The following LAMC2 variants were observed in gnomAD, a reference collection of about 807,000 sequenced individuals.
LAMC2 encodes the protein laminin subunit gamma-2.
LAMC2 carries 97 observed loss-of-function variants against 140.2 expected under a neutral mutation model. The ratio of observed to expected loss-of-function variants is 0.69; its 90% CI spans 0.59 to 0.82. The LOEUF (loss-of-function observed/expected upper bound fraction) is 0.82. LAMC2 is among the 40% of genes least tolerant of loss of function. The pLI, the probability that LAMC2 is intolerant of heterozygous loss-of-function variation, is 0.00. For synonymous variants in LAMC2, 513 were observed against 540.2 expected, an observed-to-expected ratio of 0.95 and a Z score of 0.70; for missense variants, 1,402 against 1,476.1, an observed-to-expected ratio of 0.95 and a Z score of 0.82.
chr1:183,207,517 G>T (rs999086113), intron 1 of LAMC2, among the ~76,000 whole-genome samples: 9 of 152,314 alleles, frequency 5.9e-5, no homozygotes, highest in African/African-American at 1.9e-4. Flanking sequence ...TGCTCTGTGG[G>T]ATTGCAGTGT....
At chr1:183,199,097 CTTTTTTTTTTTT>C (rs906113983) in intron 1 of LAMC2, among the ~76,000 whole-genome samples, 5 of 67,628 alleles carry the variant, frequency 7.4e-5, no homozygotes, top group East Asian at 5.7e-4. Context: ...GTTGGCTTTT[CTTTTTTTTTTTT>C]TTTTTTTTTT....
the LAMC2 span, among the ~76,000 whole-genome samples, chr1:183,254,351 C>A: frequency 6.6e-6 from 1 of 152,134 alleles, no homozygotes; most frequent in Non-Finnish European, 1.5e-5. Context: ...TGTTGCGCAT[C>A]TTTTTATGCA....
chr1:183,210,716 A>T (rs79947275), intron 2 of LAMC2, among the ~76,000 whole-genome samples: 6,854 of 152,332 alleles, frequency 0.045, 517 homozygotes, highest in African/African-American at 0.15. Flanking sequence ...CCAAAACATT[A>T]TCATAGATGA....
In LAMC2 at chr1:183,231,962, T is replaced by A. The variant is rs556221842; in HGVS notation, c.1858-225T>A. Among the ~76,000 whole-genome samples, 6 of 152,300 alleles carry A rather than the reference T, an allele frequency of 3.9e-5. 1 individual carries two copies. The South Asian group carries it at 1.2e-3, about 32-fold the overall frequency. ...CTATTCTTATTTTCATTATCCTAATTTTATAGATAAAGAAAGTGACTTGCC... is the reference window on the plus strand; with the variant it reads ...CTATTCTTATTTTCATTATCCTAATATTATAGATAAAGAAAGTGACTTGCC... On this transcript the variant is annotated intron_variant, in intron 12 of 22. Transcript: ENST00000264144.
At chr1:183,198,649 G>C (rs889395412) in intron 1 of LAMC2, among the ~76,000 whole-genome samples, 1 of 152,182 alleles carries the variant, frequency 6.6e-6, no homozygotes, top group Admixed American at 6.5e-5. Context: ...TCCTGACACC[G>C]TCCCACACAG....
At chr1:183,245,584 A>ACAGGAAAGC (rs1660225370), downstream of LAMC2, among the ~76,000 whole-genome samples, 1 of 152,230 alleles carries the variant, frequency 6.6e-6, no homozygotes, top group Non-Finnish European at 1.5e-5. Context: ...GGAAGGATAC[A>ACAGGAAAGC]CAGGAAAGCC....
chr1:183,195,336 G>T (rs1294246279), intron 1 of LAMC2, among the ~76,000 whole-genome samples: 2 of 152,114 alleles, frequency 1.3e-5, no homozygotes, highest in Admixed American at 1.3e-4. Context: ...GGTGAAACAG[G>T]TGTCTCCTCT....
In LAMC2 at chr1:183,226,740, C is replaced by T. The variant is rs201674416; in HGVS notation, c.1109C>T (p.Pro370Leu). The change falls in exon 9 of 23, where the codon CCT becomes CTT. Residue 370 changes from proline (P) to leucine (L), a missense_variant. Physicochemically the swap from Pro to Leu is moderately conservative, Grantham distance 98 (BLOSUM62 -3). Transcript: ENST00000264144. ...AATGTGACCCTGATTTCAGCCCGCC[C>T]TGTCTCTGGAGCCCCAGCACCCTGG... ...IDNVTLISAR[P>L]VSGAPAPWVE... The T allele has an allele frequency of 7.6e-5, 123 of 1,614,234 alleles. No homozygotes were observed. The Middle Eastern group carries it at 1.3e-3, about 17-fold the overall frequency.
chr1:183,255,667 T>C, the LAMC2 span, among the ~76,000 whole-genome samples: 1 of 139,994 alleles, frequency 7.1e-6, no homozygotes, highest in African/African-American at 3.2e-5. Context: ...TAAGGGTTTT[T>C]TTTTTTTTTT....
At position 183,186,395 on chromosome 1, in the gene LAMC2, C is replaced by G. The variant is rs762557088; in HGVS notation, c.43C>G (p.Leu15Val). The G allele has an allele frequency of 3.1e-6, 5 of 1,605,936 alleles. No homozygotes were observed. Among genetic ancestry groups the G allele is most frequent in the Non-Finnish European group, 4.2e-6 (5 of 1,179,692 alleles). ...GGGCTGCTGCCTCTGCTTCTCGCTC[C>G]TCCTGCCCGCAGCCCGGGCCACCTC... ...WLGCCLCFSLLLPAARATSRR... is the reference protein window; with the variant it reads ...WLGCCLCFSLVLPAARATSRR... The change falls in exon 1 of 23, where the codon CTC becomes GTC. Residue 15 changes from leucine to valine, a missense_variant. By Grantham distance (32) the Leu-to-Val change is conservative. Coordinates refer to ENST00000264144, the MANE Select transcript of LAMC2 (RefSeq NM_005562.3).
intron 1 of LAMC2, among the ~76,000 whole-genome samples, chr1:183,193,868 C>T (rs1227274801): frequency 1.9e-5 from 2 of 107,266 alleles, no homozygotes; most frequent in African/African-American, 3.0e-5. Context: ...TGTTACTTCT[C>T]TTTATGGATG....
rs1457846046 is a variant in LAMC2 at position 183,218,481 on chromosome 1, T to C, written c.496T>C (p.Cys166Arg). ...CAAGCCAGCTGTCACTGGAGAACGC[T>C]GTGATAGGTCTGTGTGAACCGTGGC... Reference protein sequence around the residue: ...VCKPAVTGERCDRCRSGYYNL... With the variant: ...VCKPAVTGERRDRCRSGYYNL... The change falls in exon 4 of 23, where the codon TGT becomes CGT. Residue 166 changes from cysteine to arginine, a missense_variant. By Grantham distance (180) the Cys-to-Arg change is radical. Around this residue, in one of 3 missense-constraint regions of LAMC2, gnomAD observed 723 missense variants for 783.3 expected, o/e 0.92. Transcript: ENST00000264144. The C allele has an allele frequency of 6.2e-7, 1 of 1,612,310 alleles. No individual in the cohort carries two copies. The highest frequency in any genetic ancestry group is 1.3e-5 in the African/African-American group (1 of 74,906).
chr1:183,212,907 A>G (rs1659116779), intron 2 of LAMC2, among the ~76,000 whole-genome samples: 1 of 152,068 alleles, frequency 6.6e-6, no homozygotes, highest in African/African-American at 2.4e-5. Context: ...CCCAAGAGTC[A>G]CCTAAATCTG....
chr1:183,198,144 T>C (rs28645378), intron 1 of LAMC2, among the ~76,000 whole-genome samples: 145 of 93,018 alleles, frequency 1.6e-3, no homozygotes, highest in East Asian at 8.6e-3. Context: ...TTCTTTCTTT[T>C]TTTTTTTTTT....
Position 183,238,363 on chromosome 1 carries a change from A to T in LAMC2, c.2811A>T (p.Ala937=). ...ANLAKSRAQE[A]LSMGNATFYE... The stretch of plus-strand genomic sequence containing the variant: ...TTGCTAAAAGCAGAGCACAAGAAGC[A>T]CTGAGTATGGGCAATGCCACTTTTT... Residue 937 remains alanine, a synonymous_variant, in exon 19 of 23, where the codon GCA becomes GCT. Transcript: ENST00000264144. The T allele has an allele frequency of 6.2e-7, 1 of 1,614,144 alleles. No homozygotes were observed. The highest frequency in any genetic ancestry group is 8.5e-7 in the Non-Finnish European group (1 of 1,179,978).
At chr1:183,257,022 G>A in the LAMC2 span, among the ~76,000 whole-genome samples, 16 of 152,096 alleles carry the variant, frequency 1.1e-4, no homozygotes, top group Non-Finnish European at 1.9e-4. Context: ...AAAGTGCTAG[G>A]ATTACAGGCA....
chr1:183,188,145 A>C (rs1341753137), intron 1 of LAMC2, among the ~76,000 whole-genome samples: 2 of 152,222 alleles, frequency 1.3e-5, no homozygotes, highest in Non-Finnish European at 2.9e-5. Flanking sequence ...CAGAAATACC[A>C]CTGAGGCTCA....
chr1:183,227,664 G>A lies in LAMC2; in HGVS notation c.1435G>A (p.Val479Met). The change falls in exon 10 of 23, where the codon GTG becomes ATG. Residue 479 changes from valine to methionine, a missense_variant. Transcript: ENST00000264144. ...CTCAGTGATGCCGGAGACGGAGGAGGTGGTGTGCAATAACTGCCCTCCCGG... is the reference window on the plus strand; with the variant it reads ...CTCAGTGATGCCGGAGACGGAGGAGATGGTGTGCAATAACTGCCCTCCCGG... ...SCSVMPETEE[V>M]VCNNCPPGVT... The A allele has an allele frequency of 6.2e-7, 1 of 1,614,224 alleles. No homozygotes were observed. The highest frequency in any genetic ancestry group is 8.5e-7 in the Non-Finnish European group (1 of 1,180,044).
At chr1:183,239,614 G>A (rs967145151) in intron 20 of LAMC2, 51 bp downstream of exon 20, 2 of 1,486,520 alleles carry the variant, frequency 1.3e-6, no homozygotes, top group South Asian at 1.2e-5. Flanking sequence ...AAACACAAGG[G>A]TGGTGTGGAG....
Sources: allele counts gnomAD v4.1 joint callset (sites outside exome capture counted in the v4.1 genomes callset), GRCh38; gene constraint gnomAD v4.1.1; regional missense constraint gnomAD v4.1.1; transcripts MANE v1.5; gene names NCBI Gene and HGNC (gene_info 2026-07-23, HGNC 2026-07-21).